The following NTM variants were observed in gnomAD, a reference collection of about 807,000 sequenced individuals.
NTM encodes neurotrimin, also known as IgLON family member 2.
NTM carries 13 observed loss-of-function variants against 42.1 expected under a neutral mutation model. The observed-to-expected ratio is 0.31, with a 90% CI of 0.20 to 0.49. The LOEUF is 0.49. Ranked by LOEUF, NTM falls within the 20% of genes least tolerant of loss-of-function variation. The pLI is 0.99. For missense variants in NTM, 373 were observed against 452.8 expected (o/e 0.82, Z 1.60); for synonymous variants, 187 against 179.2 (o/e 1.04, Z -0.35).
intron 2 of NTM, among the ~76,000 whole-genome samples, chr11:132,047,952 C>T (rs1373936547): frequency 6.6e-6 from 1 of 152,150 alleles, no homozygotes; most frequent in African/African-American, 2.4e-5. Flanking sequence ...CCCTAATGCC[C>T]TCACTTTCTA....
At chr11:131,465,614 G>A (rs1170266989) in intron 1 of NTM, among the ~76,000 whole-genome samples, 1 of 152,126 alleles carries the variant, frequency 6.6e-6, no homozygotes, top group Non-Finnish European at 1.5e-5. Context: ...GGTATCCTGC[G>A]ACCTGTGATT....
At position 131,625,592 on chromosome 11, in the gene NTM, CAT is replaced by C. The variant is rs1291788351; in HGVS notation, c.82+254706_82+254707del. Reference sequence around the variant, plus strand: ...TTTTTCAGATAACGTTCCCCAATAACATACATATAGCCTGGTGCACAGAATGT... The same window carrying C: ...TTTTTCAGATAACGTTCCCCAATAACACATATAGCCTGGTGCACAGAATGT... On this transcript the variant is annotated intron_variant, in intron 1 of 8. Transcript: ENST00000683400. 9.9e-5 allele frequency among the ~76,000 whole-genome samples: 15 copies of C among 151,616 alleles called. No individual in the cohort carries two copies. In the East Asian group the frequency reaches 2.9e-3, roughly 29 times the overall value.
In NTM at chr11:131,484,273, AAGAG is replaced by A. The variant is rs143392438; in HGVS notation, c.82+113393_82+113396del. Among the ~76,000 whole-genome samples the A allele has an allele frequency of 5.3e-5, 8 of 152,370 alleles. No homozygotes were observed. The East Asian group carries it at 1.3e-3, about 26-fold the overall frequency. On this transcript the variant is annotated intron_variant, in intron 1 of 8. Transcript: ENST00000683400. ...TTATTGGTAAATTTTGTATTAAAAAAAGAGAGAGAGACAGACTAAAGAAAGGTTT... is the reference window on the plus strand; with the variant it reads ...TTATTGGTAAATTTTGTATTAAAAAAAGAGAGACAGACTAAAGAAAGGTTT...
At chr11:131,390,416 A>T (rs926978102) in intron 1 of NTM, among the ~76,000 whole-genome samples, 1 of 152,190 alleles carries the variant, frequency 6.6e-6, no homozygotes. Flanking sequence ...ATGGAGGAAC[A>T]AGCTGCACAG....
intron 1 of NTM, among the ~76,000 whole-genome samples, chr11:131,825,570 C>T (rs775624517): frequency 1.3e-5 from 2 of 152,160 alleles, no homozygotes; most frequent in Admixed American, 6.5e-5. Flanking sequence ...AGTGTCCCAA[C>T]CTCTGCACTG....
intron 1 of NTM, among the ~76,000 whole-genome samples, chr11:131,865,818 T>A (rs1409800163): frequency 7.1e-6 from 1 of 140,796 alleles, no homozygotes; most frequent in African/African-American, 2.7e-5. Context: ...ACATGCTACA[T>A]ACACACATGC....
chr11:132,148,516 A>G (rs1223580757), intron 3 of NTM, among the ~76,000 whole-genome samples: 1 of 152,120 alleles, frequency 6.6e-6, no homozygotes, highest in Non-Finnish European at 1.5e-5. Flanking sequence ...GAGACTGGGA[A>G]CTAGGAACTA....
intron 2 of NTM, among the ~76,000 whole-genome samples, chr11:132,044,165 CTTAT>C (rs1179892702): frequency 6.5e-4 from 84 of 129,734 alleles, no homozygotes; most frequent in African/African-American, 9.2e-4. Flanking sequence ...TGTGTGTGTG[CTTAT>C]GTGCATGTGT....
chr11:131,763,707 C>CTTTTTTT lies in NTM; in HGVS notation c.83-147856_83-147855insTTTTTTT, dbSNP rs1443279848. Among the ~76,000 whole-genome samples the CTTTTTTT allele has an allele frequency of 1.6e-3, 99 of 60,768 alleles. 2 individuals are homozygous for CTTTTTTT. The highest frequency in any genetic ancestry group is 3.8e-3 in the African/African-American group (88 of 22,958). 39.9% of individuals were successfully genotyped at this position (60,768 alleles called of 152,430 possible). A position where few individuals can be genotyped will look rare whatever the true frequency, so the allele number is the denominator to read the frequency against. On this transcript the variant is annotated intron_variant, in intron 1 of 8. Transcript: ENST00000683400. Reference sequence around the variant, plus strand: ...TTCTTATCCACAGGCCCATCTCTCTCTCTTTTTTTTTTTTTTTTTTTTTTT... The same window carrying CTTTTTTT: ...TTCTTATCCACAGGCCCATCTCTCTCTTTTTTTTCTTTTTTTTTTTTTTTTTTTTTTT...
At chr11:131,815,053 C>T (rs2092894494) in intron 1 of NTM, among the ~76,000 whole-genome samples, 1 of 152,114 alleles carries the variant, frequency 6.6e-6, no homozygotes, top group Admixed American at 6.6e-5. Flanking sequence ...TTTAAAAATG[C>T]AAGCATGATC....
chr11:132,073,287 GA>G (rs1472200707), intron 2 of NTM, among the ~76,000 whole-genome samples: 1 of 152,120 alleles, frequency 6.6e-6, no homozygotes, highest in Non-Finnish European at 1.5e-5. Flanking sequence ...GTCTTCTCTG[GA>G]CCTCAGTTTA....
chr11:131,980,293 A>G (rs894355216), intron 2 of NTM, among the ~76,000 whole-genome samples: 5 of 152,084 alleles, frequency 3.3e-5, no homozygotes, highest in Admixed American at 6.5e-5. Flanking sequence ...AGGCCGATTT[A>G]TTTTCTCCCC....
At chr11:132,103,043 C>T (rs2061819313) in intron 2 of NTM, among the ~76,000 whole-genome samples, 1 of 152,196 alleles carries the variant, frequency 6.6e-6, no homozygotes, top group Non-Finnish European at 1.5e-5. Context: ...GCAAATTGGC[C>T]CCATAGAAAA....
At chr11:131,711,604 C>T (rs891555556) in intron 1 of NTM, among the ~76,000 whole-genome samples, 16 of 152,006 alleles carry the variant, frequency 1.1e-4, no homozygotes, top group Non-Finnish European at 4.4e-5. Context: ...CTAGAAATAC[C>T]ATTTGACCCA....
intron 1 of NTM, among the ~76,000 whole-genome samples, chr11:131,427,944 T>C (rs1477691437): frequency 6.6e-6 from 1 of 152,236 alleles, no homozygotes; most frequent in African/African-American, 2.4e-5. Context: ...GTTTCATCCT[T>C]GTCTCTCTTT....
chr11:132,038,680 G>A (rs947990836), intron 2 of NTM, among the ~76,000 whole-genome samples: 6 of 152,172 alleles, frequency 3.9e-5, no homozygotes, highest in Non-Finnish European at 1.5e-5. Flanking sequence ...AGACCAGCAC[G>A]CTTCCCTGTG....
intron 1 of NTM, chr11:131,539,058 T>C (rs10894412): frequency 0.3 from 44,722 of 151,496 alleles, 8,029 homozygotes; most frequent in Admixed American, 0.41. Context: ...TCAGCCTCCT[T>C]AGTAGCTGGG....
chr11:131,524,606 T>A (rs951195299), intron 1 of NTM, among the ~76,000 whole-genome samples: 1 of 152,248 alleles, frequency 6.6e-6, no homozygotes, highest in Non-Finnish European at 1.5e-5. Flanking sequence ...AATCTTGAAC[T>A]GTTTTCTCCT....
intron 4 of NTM, among the ~76,000 whole-genome samples, chr11:132,258,720 T>A (rs936555926): frequency 6.6e-6 from 1 of 152,244 alleles, no homozygotes; most frequent in Admixed American, 6.5e-5. Flanking sequence ...GAGCCTTTTG[T>A]GTGGCCCACT....
Sources: allele counts gnomAD v4.1 joint callset (sites outside exome capture counted in the v4.1 genomes callset), GRCh38; gene constraint gnomAD v4.1.1; transcripts MANE v1.5; gene names NCBI Gene and HGNC (gene_info 2026-07-23, HGNC 2026-07-21).